Variants in ZMIZ1 observed in about 807,000 individuals in gnomAD.
ZMIZ1 encodes the protein zinc finger MIZ-type containing 1, also known as zinc finger MIZ domain-containing protein 1.
A neutral mutation model predicts 113.9 loss-of-function variants in ZMIZ1; 17 were observed. The ratio of observed to expected loss-of-function variants is 0.15; its 90% CI spans 0.10 to 0.22. ZMIZ1 has a LOEUF of 0.22. Among genes scored for constraint, ZMIZ1 ranks in the 10% least tolerant of loss-of-function variants. The pLI is 1.00. For synonymous variants in ZMIZ1, 607 were observed against 603.1 expected, an observed-to-expected ratio of 1.01 and a Z score of -0.09; for missense variants, 1,059 against 1,477.8, an observed-to-expected ratio of 0.72 and a Z score of 4.65.
intron 2 of ZMIZ1, among the ~76,000 whole-genome samples, chr10:79,122,653 A>G (rs1347072001): frequency 6.6e-6 from 1 of 152,158 alleles, no homozygotes; most frequent in Non-Finnish European, 1.5e-5. Flanking sequence ...CTCTTGCACT[A>G]TAGAGTTCTC....
intron 7 of ZMIZ1, among the ~76,000 whole-genome samples, chr10:79,240,913 C>T (rs1425077873): frequency 6.6e-6 from 1 of 152,096 alleles, no homozygotes; most frequent in Non-Finnish European, 1.5e-5. Flanking sequence ...AGTGGTTTTG[C>T]TGAACTCAGC....
intron 12 of ZMIZ1, 103 bp downstream of exon 12, chr10:79,293,756 G>A (rs753478505): frequency 6.4e-7 from 1 of 1,554,126 alleles, no homozygotes; most frequent in South Asian, 1.1e-5. Flanking sequence ...TTGGACTCCA[G>A]CACACTTGGA....
chr10:79,100,682 C>T (rs1288210444), intron 1 of ZMIZ1, among the ~76,000 whole-genome samples: 1 of 152,166 alleles, frequency 6.6e-6, no homozygotes, highest in Non-Finnish European at 1.5e-5. Flanking sequence ...GTCCCATGAT[C>T]CCTGCTGCGT....
intron 8 of ZMIZ1, among the ~76,000 whole-genome samples, chr10:79,279,361 A>G (rs939960454): frequency 1.4e-4 from 21 of 150,680 alleles, no homozygotes; most frequent in Admixed American, 9.2e-4. Context: ...TTCACATCTC[A>G]GACGGGGTGG....
At chr10:79,181,054 G>A (rs1296158193) in intron 4 of ZMIZ1, among the ~76,000 whole-genome samples, 1 of 152,230 alleles carries the variant, frequency 6.6e-6, no homozygotes, top group Non-Finnish European at 1.5e-5. Context: ...CAGTGTGGCC[G>A]TGTGTGGGAT....
At chr10:79,162,171 C>T (rs1054685042) in intron 4 of ZMIZ1, 38 bp downstream of exon 4, 9 of 399,000 alleles carry the variant, frequency 2.3e-5, no homozygotes, top group East Asian at 7.1e-5. Flanking sequence ...GTGGCTGGGT[C>T]GGACGCAGGT....
chr10:79,300,137 G>C (rs150813713), intron 16 of ZMIZ1, among the ~76,000 whole-genome samples: 1 of 152,226 alleles, frequency 6.6e-6, no homozygotes, highest in Admixed American at 6.5e-5. Context: ...TCCCTGGCAC[G>C]GGACAAACCA....
chr10:79,189,314 A>G lies in ZMIZ1; in HGVS notation c.-49-12270A>G, dbSNP rs1847496744. 2.0e-5 allele frequency among the ~76,000 whole-genome samples: 3 copies of G among 152,090 alleles called. No homozygotes were observed. The South Asian group carries it at 6.2e-4, about 32-fold the overall frequency. On this transcript the variant is annotated intron_variant, in intron 4 of 24. Transcript: ENST00000334512. The stretch of plus-strand genomic sequence containing the variant: ...GGTATGGTTCCCAGAGGGCCTGTAG[A>G]GTGGTGGTGTTTAACTCTGTCACGC...
At chr10:79,224,197 C>G (rs1176734041) in intron 7 of ZMIZ1, among the ~76,000 whole-genome samples, 1 of 152,226 alleles carries the variant, frequency 6.6e-6, no homozygotes. Flanking sequence ...TAGGCACAGA[C>G]ACCAGAAGAG....
At chr10:79,269,456 A>ACACACACACACACACACAC (rs1851803859) in intron 7 of ZMIZ1, among the ~76,000 whole-genome samples, 2 of 138,566 alleles carry the variant, frequency 1.4e-5, no homozygotes, top group Non-Finnish European at 1.6e-5. Flanking sequence ...ACCTCCCCCC[A>ACACACACACACACACACAC]ACACACACAC....
chr10:79,208,303 G>A lies in ZMIZ1; in HGVS notation c.61-33G>A, dbSNP rs554655099. On this transcript the variant is annotated intron_variant, in intron 5 of 24. Coordinates refer to ENST00000334512, the MANE Select transcript of ZMIZ1 (RefSeq NM_020338.4). Reference sequence around the variant, plus strand: ...GCTGCCTGTGCTACCCTCACTCTTGGAGCCTCAGCCGCCTCCTTTTCCTTT... The same window carrying A: ...GCTGCCTGTGCTACCCTCACTCTTGAAGCCTCAGCCGCCTCCTTTTCCTTT... 8 of 1,601,688 alleles carry A rather than the reference G, an allele frequency of 5.0e-6. No individual in the cohort carries two copies. The Admixed American group carries it at 5.0e-5, about 10-fold the overall frequency.
chr10:79,102,979 C>T (rs1264805705), intron 1 of ZMIZ1, among the ~76,000 whole-genome samples: 2 of 152,168 alleles, frequency 1.3e-5, no homozygotes, highest in African/African-American at 4.8e-5. Context: ...CATCATTGAG[C>T]AGGGCTGGGG....
At chr10:79,087,756 C>T (rs1026866027) in intron 1 of ZMIZ1, among the ~76,000 whole-genome samples, 1 of 152,348 alleles carries the variant, frequency 6.6e-6, no homozygotes, top group African/African-American at 2.4e-5. Flanking sequence ...CGTTGTGTTC[C>T]TCTCTGCTCT....
chr10:79,306,781 G>A (rs1452025645), intron 22 of ZMIZ1, among the ~76,000 whole-genome samples: 1 of 152,166 alleles, frequency 6.6e-6, no homozygotes, highest in Non-Finnish European at 1.5e-5. Flanking sequence ...CTGATTCCTG[G>A]AAAGTACCCC....
chr10:79,280,206 T>C (rs1852634337), intron 8 of ZMIZ1, among the ~76,000 whole-genome samples: 1 of 151,968 alleles, frequency 6.6e-6, no homozygotes. Flanking sequence ...CTCGAACTCC[T>C]AAGCTCAAGG....
intron 1 of ZMIZ1, among the ~76,000 whole-genome samples, chr10:79,089,771 C>T (rs1413200708): frequency 6.6e-6 from 1 of 152,098 alleles, no homozygotes; most frequent in African/African-American, 2.4e-5. Flanking sequence ...TGTCCCTCTC[C>T]CACTCCCCAG....
intron 6 of ZMIZ1, among the ~76,000 whole-genome samples, chr10:79,208,835 A>G (rs191242632): frequency 6.6e-6 from 1 of 152,280 alleles, no homozygotes; most frequent in East Asian, 1.9e-4. Flanking sequence ...TTCTTTTGTC[A>G]TCATCCATCC....
At chr10:79,081,355 G>A (rs968918781) in intron 1 of ZMIZ1, among the ~76,000 whole-genome samples, 2 of 152,314 alleles carry the variant, frequency 1.3e-5, no homozygotes, top group East Asian at 1.9e-4. Flanking sequence ...AAGAGTCTGG[G>A]CAGCTTGGAG....
Position 79,216,160 on chromosome 10 carries a change from T to G in ZMIZ1, c.175-9T>G. 1 of 1,475,720 alleles carries G rather than the reference T, an allele frequency of 6.8e-7. No homozygotes were observed. The highest frequency in any genetic ancestry group is 9.0e-7 in the Non-Finnish European group (1 of 1,106,122). 91.4% of individuals were successfully genotyped at this position (1,475,720 alleles called of 1,614,324 possible). ...TGACTCACCTGCCCTCCTCCCCTCT[T>G]GCTTTCAGGTGGTCAGTCGGGTGGC... On this transcript the variant is annotated splice_polypyrimidine_tract_variant and intron_variant, in intron 6 of 24. Coordinates refer to ENST00000334512, the MANE Select transcript of ZMIZ1 (RefSeq NM_020338.4).
Sources: gnomAD v4.1 joint callset for allele counts (sites outside exome capture counted in the v4.1 genomes callset) on GRCh38, gnomAD v4.1.1 for gene constraint, MANE v1.5 for transcripts, NCBI Gene and HGNC (gene_info 2026-07-23, HGNC 2026-07-21) for gene names.